The following AGO2 variants were observed in gnomAD, a reference collection of about 807,000 sequenced individuals.
AGO2 encodes argonaute RISC catalytic component 2, also known as protein argonaute-2.
Under a neutral mutation model 102.3 loss-of-function variants are expected in AGO2, and 5 were observed. The ratio of observed to expected loss-of-function variants is 0.05; its 90% CI spans 0.03 to 0.10. AGO2 has a LOEUF of 0.10. Ranked by LOEUF, AGO2 falls within the 10% of genes least tolerant of loss-of-function variation. The pLI, the probability that AGO2 is intolerant of heterozygous loss-of-function variation, is 1.00. For missense variants in AGO2, 541 were observed against 1,183.7 expected (o/e 0.46, Z 7.97); for synonymous variants, 449 against 473.1 (o/e 0.95, Z 0.66).
At chr8:140,611,330 G>GTTTTTT (rs57728629) in intron 1 of AGO2, among the ~76,000 whole-genome samples, 2 of 147,844 alleles carry the variant, frequency 1.4e-5, no homozygotes, top group African/African-American at 2.5e-5. Flanking sequence ...TTAAGCCTTT[G>GTTTTTT]TTTTTTTTTT....
At chr8:140,619,567 C>G (rs1023208806) in intron 1 of AGO2, among the ~76,000 whole-genome samples, 1 of 152,156 alleles carries the variant, frequency 6.6e-6, no homozygotes, top group Non-Finnish European at 1.5e-5. Context: ...CTCACTGCGC[C>G]GCAGAGCACA....
rs558306151 is a variant in AGO2 at position 140,583,011 on chromosome 8, G to C, written c.215+2108C>G. On this transcript the variant is annotated intron_variant, in intron 2 of 18. Transcript: ENST00000220592. ...CAGAGGAGACTGCGTGTTAGTCAGG[G>C]ACCAGGTGGGGATCTGCCCCCAGTG... is the stretch of plus-strand genomic sequence containing the variant. Among the ~76,000 whole-genome samples the C allele has an allele frequency of 4.6e-5, 7 of 152,322 alleles. No homozygotes were observed. In the South Asian group the frequency reaches 1.4e-3, roughly 32 times the overall value.
At chr8:140,628,127 C>T (rs532029556) in intron 1 of AGO2, among the ~76,000 whole-genome samples, 12 of 152,384 alleles carry the variant, frequency 7.9e-5, no homozygotes, top group African/African-American at 2.6e-4. Flanking sequence ...GGGCAGAGAC[C>T]GGAAGAAGCT....
chr8:140,605,358 A>G (rs1028245746), intron 1 of AGO2, among the ~76,000 whole-genome samples: 3 of 152,100 alleles, frequency 2.0e-5, no homozygotes, highest in African/African-American at 7.2e-5. Context: ...CAGCTTCCCA[A>G]CGTGCCGCGA....
Position 140,522,726 on chromosome 8 carries a change from G to GGGGAGAGA in AGO2, c.*9317_*9318insTCTCTCCC, listed in dbSNP as rs1554696533. ...AGAGGGAGGGGGAGGGGGGAGAGGG[G>GGGGAGAGA]GAGAGAGAGAGAGAGAGAGAGAGGT... On this transcript the variant is annotated 3_prime_UTR_variant, in exon 19 of 19. Coordinates refer to ENST00000220592, the MANE Select transcript of AGO2 (RefSeq NM_012154.5). 9.1e-5 allele frequency: 11 copies of GGGGAGAGA among 121,056 alleles called. No individual in the cohort carries two copies. The highest frequency in any genetic ancestry group is 3.5e-4 in the African/African-American group (11 of 31,674). 7.5% of individuals were successfully genotyped at this position (121,056 alleles called of 1,614,324 possible).
At chr8:140,573,741 G>A (rs1309174872) in intron 2 of AGO2, among the ~76,000 whole-genome samples, 3 of 152,230 alleles carry the variant, frequency 2.0e-5, no homozygotes, top group Non-Finnish European at 2.9e-5. Context: ...ATGGAGGTAG[G>A]GTCAGGCGCC....
intron 2 of AGO2, among the ~76,000 whole-genome samples, chr8:140,578,081 T>A (rs913578753): frequency 7.2e-5 from 11 of 152,158 alleles, no homozygotes; most frequent in African/African-American, 2.4e-4. Context: ...AGAGAGAGCA[T>A]CCCTGGCCAC....
In AGO2 at chr8:140,551,509, C is replaced by G. The variant is rs543515084; in HGVS notation, c.1270-73G>C. The G allele has an allele frequency of 4.5e-5, 62 of 1,382,316 alleles. No homozygotes were observed. The African/African-American group carries it at 8.4e-4, about 19-fold the overall frequency. The allele number at this position is 1,382,316 out of a possible 1,614,324, so 85.6% of individuals were successfully genotyped here. On this transcript the variant is annotated intron_variant, in intron 10 of 18. Transcript: ENST00000220592. ...TCCTTCAACCTTAGACTTTGTCACT[C>G]TCACTGTTGGTCCCCCTGACCAACA...
chr8:140,624,067 C>A (rs1392182772), intron 1 of AGO2, among the ~76,000 whole-genome samples: 1 of 151,984 alleles, frequency 6.6e-6, no homozygotes, highest in East Asian at 1.9e-4. Context: ...GCAGGGCGAG[C>A]GCGATGGACC....
upstream of AGO2, among the ~76,000 whole-genome samples, chr8:140,636,101 C>G (rs1376806837): frequency 6.6e-6 from 1 of 151,646 alleles, no homozygotes. Flanking sequence ...CCACCCTCAG[C>G]CCCTCGGCCC....
rs1477649875 is a variant in AGO2, at chr8:140,526,994, G to A, written c.*5050C>T. ...ATGACTCTGACCACAGAGATGCAAG[G>A]AGGCCCTTGCGTCCTAGTAGCAGGC... On this transcript the variant is annotated 3_prime_UTR_variant, in exon 19 of 19. Transcript: ENST00000220592. This position sits in a 1 kb window ranked among gnomAD's most constrained non-coding sequence, Gnocchi z 5.2. 6.6e-6 allele frequency: 1 copy of A among 152,174 alleles called. No homozygotes were observed. The highest frequency in any genetic ancestry group is 1.9e-4 in the East Asian group (1 of 5,196). 9.4% of individuals were successfully genotyped at this position (152,174 alleles called of 1,614,324 possible). A position where few individuals can be genotyped will look rare whatever the true frequency, so the allele number is the denominator to read the frequency against.
At chr8:140,586,534 C>T (rs1359843470) in intron 1 of AGO2, among the ~76,000 whole-genome samples, 3 of 152,136 alleles carry the variant, frequency 2.0e-5, no homozygotes, top group Admixed American at 1.3e-4. Context: ...CAAGCAGCAC[C>T]CATGCTGCCA....
At chr8:140,615,807 G>C (rs1460729336) in intron 1 of AGO2, among the ~76,000 whole-genome samples, 1 of 152,226 alleles carries the variant, frequency 6.6e-6, no homozygotes, top group African/African-American at 2.4e-5. Flanking sequence ...ACACACTATT[G>C]AGTTGGAGCA....
intron 1 of AGO2, among the ~76,000 whole-genome samples, chr8:140,608,863 C>T (rs751061377): frequency 6.1e-4 from 93 of 152,206 alleles, no homozygotes; most frequent in Non-Finnish European, 1.1e-3. Context: ...ATCAGCCCCG[C>T]GGGGTGATGG....
chr8:140,540,552 G>A lies in AGO2; in HGVS notation c.2034+612C>T, dbSNP rs1481420601. ...CCTGCCCACAGGTCACCTTGATCTG[G>A]GGGTGCTGCGTGTGCTCTCAACCAA... On this transcript the variant is annotated intron_variant, in intron 15 of 18. Coordinates refer to ENST00000220592, the MANE Select transcript of AGO2 (RefSeq NM_012154.5). This position sits in a 1 kb window ranked among gnomAD's most constrained non-coding sequence, Gnocchi z 5.0. 2.6e-5 allele frequency among the ~76,000 whole-genome samples: 4 copies of A among 152,146 alleles called. No individual in the cohort carries two copies. Among genetic ancestry groups the A allele is most frequent in the Admixed American group, 2.6e-4 (4 of 15,278 alleles).
rs1012373565 is a variant in AGO2 at position 140,535,501 on chromosome 8, G to C, written c.2238C>G (p.Phe746Leu). 1 of 1,614,236 alleles carries C rather than the reference G, an allele frequency of 6.2e-7. No individual in the cohort carries two copies. The highest frequency in any genetic ancestry group is 8.5e-7 in the Non-Finnish European group (1 of 1,180,026). The change falls in exon 17 of 19, where the codon TTC (phenylalanine) becomes TTG (leucine). Residue 746 changes from phenylalanine to leucine, a missense_variant. Around this residue, in one of 6 missense-constraint regions of AGO2, gnomAD observed 309 missense variants for 735.1 expected, o/e 0.42. Coordinates refer to ENST00000220592, the MANE Select transcript of AGO2 (RefSeq NM_012154.5). ...VDTKITHPTE[F>L]DFYLCSHAGI... ...CAGCGTGACTACACAGGTAGAAGTC[G>C]AACTCGGTGGGGTGGGTGATTTTCG...
In AGO2 at chr8:140,597,483, C is replaced by A. The variant is rs60746254; in HGVS notation, c.23-12172G>T. 1.2e-4 allele frequency among the ~76,000 whole-genome samples: 16 copies of A among 138,234 alleles called. 1 individual carries two copies. Among genetic ancestry groups the A allele is most frequent in the Admixed American group, 3.5e-4 (5 of 14,284 alleles). The allele number at this position is 138,234 out of a possible 152,430, so 90.7% of individuals were successfully genotyped here. ...GCTGGGTGGCCCCCCCACCCCCCCC[C>A]CCCCGCCCCAGGCCTCCCTGCCTGA... On this transcript the variant is annotated intron_variant, in intron 1 of 18. Transcript: ENST00000220592.
At chr8:140,541,136 G>A in intron 15 of AGO2, 28 bp downstream of exon 15, 1 of 1,521,456 alleles carries the variant, frequency 6.6e-7, no homozygotes. Context: ...CCCAGAGAAG[G>A]GGAGGGAAGG....
At chr8:140,599,281 C>A (rs181903422) in intron 1 of AGO2, among the ~76,000 whole-genome samples, 1 of 152,178 alleles carries the variant, frequency 6.6e-6, no homozygotes, top group Admixed American at 6.5e-5. Flanking sequence ...TTAACCAGAA[C>A]GCAAAATCCT....
Sources: allele counts gnomAD v4.1 joint callset (sites outside exome capture counted in the v4.1 genomes callset), GRCh38; gene constraint gnomAD v4.1.1; regional missense constraint gnomAD v4.1.1; non-coding constraint Gnocchi (gnomAD v3.1); transcripts MANE v1.5; gene names NCBI Gene and HGNC (gene_info 2026-07-23, HGNC 2026-07-21).